ERICH1: variants seen among roughly 807,000 people sequenced by gnomAD.
ERICH1 encodes the protein glutamate rich 1, also known as glutamate-rich protein 1.
A neutral mutation model predicts 39.6 loss-of-function variants in ERICH1; 56 were observed. That is an observed-to-expected ratio of 1.41 (90% confidence interval 1.14 to 1.77). The LOEUF is 1.77. Ranked by LOEUF, ERICH1 falls within the 40% of genes most tolerant of loss-of-function variation. ERICH1 has a pLI of 0.00. For synonymous variants in ERICH1, 313 were observed against 223.6 expected (o/e 1.40, Z -3.57); for missense variants, 826 against 575.4 (o/e 1.44, Z -4.45).
chr8:656,771 C>T (rs912467521), intron 3 of ERICH1: 9 of 985,328 alleles, frequency 9.1e-6, no homozygotes, highest in Non-Finnish European at 1.1e-5. Flanking sequence ...TTGTGCCAAA[C>T]GGTGCACAGC....
intron 3 of ERICH1, among the ~76,000 whole-genome samples, chr8:635,594 C>T (rs971851833): frequency 6.6e-6 from 1 of 152,212 alleles, no homozygotes; most frequent in East Asian, 1.9e-4. Context: ...CCGGCCCGGC[C>T]CCGACCTGCC....
rs192558609 is a variant in ERICH1 at position 699,732 on chromosome 8, G to A, written c.170-7120C>T. ...ACCCGCACACGTGCACAGACTCACA[G>A]GCGCACAGACACGCACACGTGCACA... is the stretch of plus-strand genomic sequence containing the variant. On this transcript the variant is annotated intron_variant, in intron 2 of 5. Transcript: ENST00000262109. Among the ~76,000 whole-genome samples, 164 of 114,396 alleles carry A rather than the reference G, an allele frequency of 1.4e-3. 1 individual carries two copies. The highest frequency in any genetic ancestry group is 5.7e-3 in the African/African-American group (160 of 27,940). 75.0% of individuals were successfully genotyped at this position (114,396 alleles called of 152,430 possible).
intron 3 of ERICH1, among the ~76,000 whole-genome samples, chr8:686,948 G>GA (rs1208836529): frequency 3.3e-5 from 5 of 152,204 alleles, no homozygotes; most frequent in African/African-American, 1.2e-4. Context: ...TGCGGAGCGG[G>GA]GGGCAGCCCC....
intron 3 of ERICH1, chr8:616,162 T>G: frequency 5.2e-6 from 1 of 193,762 alleles, no homozygotes; most frequent in Non-Finnish European, 1.1e-5. Flanking sequence ...AATAAGTATA[T>G]TAAACTCAAG....
Position 652,457 on chromosome 8 carries a change from GGAGTTGATATCACATAAAGTGACCAC to G in ERICH1, c.976+16115_976+16140del, listed in dbSNP as rs1800097701. ...GGGGAAATCTAGATAGGAACGGAGT[GGAGTTGATATCACATAAAGTGACCAC>G]GAGCTTGCCTGGGATGGTTCTGGCT... On this transcript the variant is annotated intron_variant, in intron 3 of 3. Transcript: ENST00000522706. Among the ~76,000 whole-genome samples the G allele has an allele frequency of 5.3e-5, 8 of 152,360 alleles. No individual in the cohort carries two copies. In the South Asian group the frequency reaches 1.7e-3, roughly 32 times the overall value.
At chr8:692,311 C>T (rs1052187020) in intron 3 of ERICH1, among the ~76,000 whole-genome samples, 167 bp downstream of exon 3, 6 of 152,166 alleles carry the variant, frequency 3.9e-5, no homozygotes, top group Non-Finnish European at 5.9e-5. Flanking sequence ...TCACTTTTCA[C>T]GGCTATAAAA....
At chr8:624,678 G>C (rs1348098631) in intron 3 of ERICH1, among the ~76,000 whole-genome samples, 2 of 152,150 alleles carry the variant, frequency 1.3e-5, no homozygotes, top group East Asian at 1.9e-4. Flanking sequence ...GAGGAAGAGA[G>C]TAAAGGGGGA....
intron 1 of ERICH1, among the ~76,000 whole-genome samples, chr8:720,392 A>G (rs1223928179): frequency 6.6e-6 from 1 of 152,234 alleles, no homozygotes; most frequent in East Asian, 1.9e-4. Flanking sequence ...ACAGACACAC[A>G]GGATAACAAA....
chr8:651,214 T>C lies in ERICH1; in HGVS notation c.976+17384A>G, dbSNP rs147475516. Among the ~76,000 whole-genome samples the C allele has an allele frequency of 1.8e-3, 278 of 152,322 alleles. 1 individual carries two copies. Among genetic ancestry groups the C allele is most frequent in the African/African-American group, 6.2e-3 (256 of 41,568 alleles). The stretch of plus-strand genomic sequence containing the variant: ...CAGTTCACATCTGGTTCAGCTCAAG[T>C]TGTTAGTCCAGGGTTGGGAAGAGAA... On this transcript the variant is annotated intron_variant, in intron 3 of 3. Coordinates refer to the ERICH1 transcript ENST00000522706.
intron 3 of ERICH1, among the ~76,000 whole-genome samples, chr8:620,293 C>G (rs899571399): frequency 6.6e-6 from 1 of 152,138 alleles, no homozygotes; most frequent in African/African-American, 2.4e-5. Flanking sequence ...GCCTGGGCAA[C>G]AGAGTGAGAC....
At chr8:648,725 G>C (rs1175247210) in intron 3 of ERICH1, among the ~76,000 whole-genome samples, 1 of 68,696 alleles carries the variant, frequency 1.5e-5, no homozygotes, top group African/African-American at 3.7e-5. Context: ...TTTGCATTTT[G>C]AAAACATTGG....
intron 3 of ERICH1, among the ~76,000 whole-genome samples, chr8:644,279 G>A (rs894459973): frequency 6.6e-5 from 10 of 152,256 alleles, no homozygotes; most frequent in Non-Finnish European, 1.0e-4. Flanking sequence ...CCTGCAGAGG[G>A]TGGCTCCTTC....
At chr8:634,256 C>A (rs1249910522) in intron 3 of ERICH1, among the ~76,000 whole-genome samples, 2 of 151,484 alleles carry the variant, frequency 1.3e-5, no homozygotes, top group Non-Finnish European at 2.9e-5. Flanking sequence ...AGAAGACACA[C>A]AAGTAGCTGA....
chr8:643,996 C>T (rs759555823), intron 3 of ERICH1, among the ~76,000 whole-genome samples: 1 of 152,228 alleles, frequency 6.6e-6, no homozygotes, highest in Non-Finnish European at 1.5e-5. Context: ...GGCGGCTCTG[C>T]AGGAGCAGGA....
At chr8:616,641 GGAGA>G in intron 3 of ERICH1, 1 of 454,196 alleles carries the variant, frequency 2.2e-6, no homozygotes, top group Non-Finnish European at 4.4e-6. Context: ...AGACAGAGAA[GGAGA>G]GACAGACGGG....
At chr8:620,259 C>T (rs188941470) in intron 3 of ERICH1, among the ~76,000 whole-genome samples, 16 of 152,272 alleles carry the variant, frequency 1.1e-4, no homozygotes, top group Admixed American at 9.8e-4. Context: ...TTGTAGTGAG[C>T]CGAGATTGTG....
At chr8:721,221 T>A (rs1817232623) in intron 1 of ERICH1, among the ~76,000 whole-genome samples, 1 of 152,270 alleles carries the variant, frequency 6.6e-6, no homozygotes. Context: ...TCTAAATATT[T>A]ACAGCTGCTA....
chr8:699,851 G>A lies in ERICH1; in HGVS notation c.170-7239C>T, dbSNP rs1392503361. Among the ~76,000 whole-genome samples, 308 of 95,950 alleles carry A rather than the reference G, an allele frequency of 3.2e-3. 1 individual carries two copies. Among genetic ancestry groups the A allele is most frequent in the South Asian group, 5.9e-3 (15 of 2,556 alleles). The allele number at this position is 95,950 out of a possible 152,430, so 62.9% of individuals were successfully genotyped here. ...CAGACCCGCACAGGCGCACAGACCCGCACACGCGCACAGACCCTCACAGGC... is the reference window on the plus strand; with the variant it reads ...CAGACCCGCACAGGCGCACAGACCCACACACGCGCACAGACCCTCACAGGC... On this transcript the variant is annotated intron_variant, in intron 2 of 5. Transcript: ENST00000262109.
intron 3 of ERICH1, among the ~76,000 whole-genome samples, chr8:628,854 C>G (rs1797747687): frequency 6.6e-6 from 1 of 152,176 alleles, no homozygotes; most frequent in South Asian, 2.1e-4. Context: ...AGCCCCCTCT[C>G]CCAGCTCCCC....
Sources: gnomAD v4.1 joint callset for allele counts (sites outside exome capture counted in the v4.1 genomes callset) on GRCh38, gnomAD v4.1.1 for gene constraint, MANE v1.5 for transcripts, NCBI Gene and HGNC (gene_info 2026-07-23, HGNC 2026-07-21) for gene names.